The following DNAH17 variants were observed in gnomAD, a reference collection of about 807,000 sequenced individuals.
The protein encoded by DNAH17 is axonemal beta dynein heavy chain 17.
In DNAH17, 376 loss-of-function variants were observed where a neutral mutation model predicts 485.6. That is an observed-to-expected ratio of 0.77 (90% CI 0.71 to 0.84). The LOEUF is 0.84. Ranked by LOEUF, DNAH17 falls within the 40% of genes least tolerant of loss-of-function variation. DNAH17 has a pLI of 0.00. For missense variants in DNAH17, 6,370 were observed against 5,839.3 expected (o/e 1.09, Z -2.96); for synonymous variants, 3,031 against 2,405.9 (o/e 1.26, Z -7.60).
chr17:78,437,196 AG>A (rs1005608589), intron 74 of DNAH17, among the ~76,000 whole-genome samples: 1 of 152,192 alleles, frequency 6.6e-6, no homozygotes, highest in African/African-American at 2.4e-5. Flanking sequence ...CAGCGAGTAC[AG>A]CAACCCCATC....
At position 78,526,723 on chromosome 17, in the gene DNAH17, C is replaced by T; in HGVS notation, c.3639G>A (p.Glu1213=). The part of the protein sequence containing the change: ...KCQQFELKQH[E]FRERFRREAP... ...CCTCGCGCCTGAACCTCTCCCTGAA[C>T]TCATGTTGCTTGAGCTGCGAGAGAA... The change falls in exon 24 of 81, where the codon GAG becomes GAA. Residue 1213 remains glutamate, a synonymous_variant. Coordinates refer to ENST00000389840, the MANE Select transcript of DNAH17 (RefSeq NM_173628.4). 1 of 1,608,332 alleles carries T rather than the reference C, an allele frequency of 6.2e-7. No individual in the cohort carries two copies. Among genetic ancestry groups the T allele is most frequent in the Non-Finnish European group, 8.5e-7 (1 of 1,175,740 alleles).
Position 78,568,123 on chromosome 17 carries a change from G to A in DNAH17, c.1285-957C>T, listed in dbSNP as rs376360601. ...GACAAGCTGGCATGGCCTGTTGTCA[G>A]GGGGTGGACAGCAAAGCCATTTCCT... On this transcript the variant is annotated intron_variant, in intron 9 of 80. Coordinates refer to ENST00000389840, the MANE Select transcript of DNAH17 (RefSeq NM_173628.4). Among the ~76,000 whole-genome samples, 424 of 152,272 alleles carry A rather than the reference G, an allele frequency of 2.8e-3. 4 individuals carry two copies. The highest frequency in any genetic ancestry group is 9.8e-3 in the African/African-American group (409 of 41,568).
At position 78,461,780 on chromosome 17, in the gene DNAH17, C is replaced by T. The variant is rs990477211; in HGVS notation, c.9175-72G>A. 54 of 1,470,474 alleles carry T rather than the reference C, an allele frequency of 3.7e-5. 2 individuals are homozygous for T. In the Middle Eastern group the frequency reaches 9.3e-4, roughly 25 times the overall value. The allele number at this position is 1,470,474 out of a possible 1,614,324, so 91.1% of individuals were successfully genotyped here. ...CACACGCCGCCCTGCACTGGGCAGA[C>T]GAGGGCTGGGAGCCACAGAGGGGCA... On this transcript the variant is annotated intron_variant, in intron 57 of 80. Coordinates refer to ENST00000389840, the MANE Select transcript of DNAH17 (RefSeq NM_173628.4).
At chr17:78,487,814 T>C (rs8080976) in intron 44 of DNAH17, among the ~76,000 whole-genome samples, 84,524 of 151,926 alleles carry the variant, frequency 0.56, 23,869 homozygotes, top group African/African-American at 0.65. Context: ...CATGAGGCAC[T>C]GTGCTTGGCC....
intron 75 of DNAH17, among the ~76,000 whole-genome samples, chr17:78,433,178 G>A (rs1350527740): frequency 6.6e-6 from 1 of 152,206 alleles, no homozygotes; most frequent in Non-Finnish European, 1.5e-5. Context: ...TGGGCGAGGG[G>A]CTCCTGGGCC....
At chr17:78,433,678 T>C (rs2146434355) in intron 75 of DNAH17, among the ~76,000 whole-genome samples, 1 of 152,120 alleles carries the variant, frequency 6.6e-6, no homozygotes, top group East Asian at 1.9e-4. Flanking sequence ...CACCCTGTGG[T>C]GGCAGGATTC....
intron 56 of DNAH17, among the ~76,000 whole-genome samples, chr17:78,464,928 T>C (rs553095127): frequency 6.6e-6 from 1 of 152,370 alleles, no homozygotes; most frequent in South Asian, 2.1e-4. Flanking sequence ...TCAAAAATAT[T>C]ACATTAAAAC....
chr17:78,566,783 G>A (rs1346664717), intron 10 of DNAH17, 53 bp from the exon 11 acceptor site: 10 of 1,460,864 alleles, frequency 6.8e-6, no homozygotes, highest in Non-Finnish European at 9.4e-6. Flanking sequence ...AGCAAGCCAA[G>A]GGCACCCTCT....
At position 78,423,775 on chromosome 17, in the gene DNAH17, C is replaced by G; in HGVS notation, c.*131G>C. On this transcript the variant is annotated 3_prime_UTR_variant, in exon 81 of 81. Transcript: ENST00000389840. ...CCTCTGGTTCCGATGTGCTTGGTTA[C>G]AAAGCACCTGATTATTTAAGAGAAC... 1 of 1,255,080 alleles carries G rather than the reference C, an allele frequency of 8.0e-7. No individual in the cohort carries two copies. Among genetic ancestry groups the G allele is most frequent in the Non-Finnish European group, 1.1e-6 (1 of 899,324 alleles). 77.7% of individuals were successfully genotyped at this position (1,255,080 alleles called of 1,614,324 possible).
intron 75 of DNAH17, among the ~76,000 whole-genome samples, chr17:78,432,000 C>T (rs968194959): frequency 5.3e-5 from 8 of 151,614 alleles, no homozygotes; most frequent in African/African-American, 1.9e-4. Context: ...GGTAAAACCC[C>T]GTCTTTACAG....
intron 42 of DNAH17, 100 bp from the exon 43 acceptor site, chr17:78,491,670 T>A: frequency 6.8e-7 from 1 of 1,480,952 alleles, no homozygotes; most frequent in Non-Finnish European, 9.0e-7. Context: ...AGGGAGCCTG[T>A]CCCCTACTTC....
chr17:78,437,853 C>T lies in DNAH17; in HGVS notation c.11821G>A (p.Ala3941Thr), dbSNP rs764629663. The T allele has an allele frequency of 6.2e-7, 1 of 1,609,656 alleles. No homozygotes were observed. The highest frequency in any genetic ancestry group is 1.7e-5 in the Admixed American group (1 of 59,816). ...TTGTCCAGTGTTCCCAGCCACCGGG[C>T]CACCAGGTGGATATTCTGCAGCCAA... ...WVILQNIHLVARWLGTLDKKL... is the reference protein window; with the variant it reads ...WVILQNIHLVTRWLGTLDKKL... The change falls in exon 74 of 81, where the codon GCC becomes ACC. Residue 3941 changes from alanine to threonine, a missense_variant. Transcript: ENST00000389840.
chr17:78,496,333 A>G (rs2090068522), intron 37 of DNAH17, among the ~76,000 whole-genome samples: 1 of 147,826 alleles, frequency 6.8e-6, no homozygotes, highest in Non-Finnish European at 1.5e-5. Flanking sequence ...CCCTGTCTCA[A>G]TAAAAAATAC....
intron 44 of DNAH17, among the ~76,000 whole-genome samples, chr17:78,488,209 C>T (rs2089697178): frequency 6.6e-6 from 1 of 152,200 alleles, no homozygotes; most frequent in South Asian, 2.1e-4. Context: ...GAGACACATG[C>T]TTGCGAGACA....
chr17:78,440,470 G>A (rs1439882445), intron 72 of DNAH17, among the ~76,000 whole-genome samples: 1 of 151,896 alleles, frequency 6.6e-6, no homozygotes, highest in Non-Finnish European at 1.5e-5. Context: ...ATGTTGCCAA[G>A]GCTGGTCTTG....
intron 78 of DNAH17, 113 bp downstream of exon 78, chr17:78,426,813 A>G: frequency 7.4e-7 from 1 of 1,355,994 alleles, no homozygotes; most frequent in Admixed American, 2.1e-5. Flanking sequence ...CTGGAGAGGG[A>G]GCAGTACCAT....
At chr17:78,438,244 C>G (rs2086916997) in intron 73 of DNAH17, among the ~76,000 whole-genome samples, 1 of 151,094 alleles carries the variant, frequency 6.6e-6, no homozygotes, top group African/African-American at 2.4e-5. Context: ...GAGGTCGACA[C>G]ACACTGTAAG....
chr17:78,571,750 T>C lies in DNAH17; in HGVS notation c.572A>G (p.His191Arg), dbSNP rs781476780. The change falls in exon 4 of 81, where the codon CAC (histidine) becomes CGC (arginine). Residue 191 changes from histidine (H) to arginine (R), a missense_variant. Physicochemically the swap from His to Arg is conservative, Grantham distance 29 (BLOSUM62 0). Transcript: ENST00000389840. ...GTCGATGATGGTGGTTTCAATGGCG[T>C]GCAGGAGCAAGTTGTCCAGTGAAGA... Reference protein sequence around the residue: ...IPSSLDNLLLHAIETTIIDWS... With the variant: ...IPSSLDNLLLRAIETTIIDWS... 11 of 1,606,160 alleles carry C rather than the reference T, an allele frequency of 6.8e-6. No individual in the cohort carries two copies. The Admixed American group carries it at 1.0e-4, about 15-fold the overall frequency.
At chr17:78,466,392 C>A (rs1274681191) in intron 56 of DNAH17, among the ~76,000 whole-genome samples, 1 of 151,944 alleles carries the variant, frequency 6.6e-6, no homozygotes, top group African/African-American at 2.4e-5. Context: ...GTCCTATGAC[C>A]CTGCCAAGTC....
Sources: gnomAD v4.1 joint callset for allele counts (sites outside exome capture counted in the v4.1 genomes callset) on GRCh38, gnomAD v4.1.1 for gene constraint, MANE v1.5 for transcripts, NCBI Gene and HGNC (gene_info 2026-07-23, HGNC 2026-07-21) for gene names.